Variants in PTCHD4 observed in about 807,000 individuals in gnomAD.
The protein encoded by PTCHD4 is patched domain containing 4, also known as patched domain-containing protein 4.
A neutral mutation model predicts 58.1 loss-of-function variants in PTCHD4; 33 were observed. The ratio of observed to expected loss-of-function variants is 0.57; its 90% CI spans 0.43 to 0.76. PTCHD4 has a LOEUF of 0.76. Ranked by LOEUF, PTCHD4 falls within the 30% of genes least tolerant of loss-of-function variation. PTCHD4 has a pLI of 0.00. For synonymous variants in PTCHD4, 478 were observed against 409.6 expected (o/e 1.17, Z -2.02); for missense variants, 1,058 against 1,027.1 (o/e 1.03, Z -0.41).
chr6:47,863,037 C>T lies in PTCHD4; in HGVS notation c.*15266G>A, dbSNP rs768224931. 1.6e-4 allele frequency among the ~76,000 whole-genome samples: 24 copies of T among 151,836 alleles called. No homozygotes were observed. Among genetic ancestry groups the T allele is most frequent in the Non-Finnish European group, 7.4e-5 (5 of 67,850 alleles). ...GCCATTTTAATTTCAAGTAGCATTT[C>T]GTGATAATATAGGAACAAAAAGATC... On this transcript the variant is annotated 3_prime_UTR_variant, in exon 5 of 5. Coordinates refer to ENST00000339488, the MANE Select transcript of PTCHD4 (RefSeq NM_001384253.1).
At chr6:48,075,136 G>A (rs1378236825) in intron 1 of PTCHD4, among the ~76,000 whole-genome samples, 1 of 152,090 alleles carries the variant, frequency 6.6e-6, no homozygotes, top group African/African-American at 2.4e-5. Flanking sequence ...GATAGAATTT[G>A]CATTAATTGA....
chr6:48,058,213 C>A (rs981415883), intron 3 of PTCHD4, among the ~76,000 whole-genome samples: 1 of 152,222 alleles, frequency 6.6e-6, no homozygotes, highest in Non-Finnish European at 1.5e-5. Flanking sequence ...TAAGTGGAAT[C>A]GGAATCAACT....
intron 4 of PTCHD4, among the ~76,000 whole-genome samples, chr6:47,908,478 T>C (rs2113863082): frequency 6.6e-6 from 1 of 152,286 alleles, no homozygotes; most frequent in South Asian, 2.1e-4. Context: ...CCACATGGCT[T>C]CTGCAATGAA....
Position 48,028,876 on chromosome 6 carries a change from G to C in PTCHD4, c.418-19762C>G, listed in dbSNP as rs898514616. On this transcript the variant is annotated intron_variant, in intron 3 of 4. Coordinates refer to ENST00000339488, the MANE Select transcript of PTCHD4 (RefSeq NM_001384253.1). ...CTCAAACTAACTTTGAGATTTCTCA[G>C]GTGGCCCCCAGAAAATCTCAAAGGA... Among the ~76,000 whole-genome samples, 28 of 151,910 alleles carry C rather than the reference G, an allele frequency of 1.8e-4. 1 individual carries two copies. The highest frequency in any genetic ancestry group is 2.6e-4 in the Admixed American group (4 of 15,230).
chr6:48,098,148 A>C lies in PTCHD4; in HGVS notation c.-970+12901T>G, dbSNP rs145158694. On this transcript the variant is annotated intron_variant, in intron 1 of 4. Coordinates refer to ENST00000339488, the MANE Select transcript of PTCHD4 (RefSeq NM_001384253.1). ...CCAGGAGCAAAAAACCCCTGAAGAT[A>C]CCTTCAAGCATCATTAATGTCATGG... is the stretch of plus-strand genomic sequence containing the variant. Among the ~76,000 whole-genome samples the C allele has an allele frequency of 2.7e-4, 41 of 152,188 alleles. No individual in the cohort carries two copies. The East Asian group carries it at 7.9e-3, about 29-fold the overall frequency.
At chr6:47,976,834 T>C (rs1026731487) in intron 4 of PTCHD4, among the ~76,000 whole-genome samples, 1 of 152,028 alleles carries the variant, frequency 6.6e-6, no homozygotes, top group Admixed American at 6.6e-5. Flanking sequence ...ACAATAAGAA[T>C]ATATAAATTT....
Position 47,867,799 on chromosome 6 carries a change from G to T in PTCHD4, c.*10504C>A, listed in dbSNP as rs1022074842. Among the ~76,000 whole-genome samples, 2 of 151,696 alleles carry T rather than the reference G, an allele frequency of 1.3e-5. No homozygotes were observed. Among genetic ancestry groups the T allele is most frequent in the African/African-American group, 2.4e-5 (1 of 41,378 alleles). On this transcript the variant is annotated 3_prime_UTR_variant, in exon 5 of 5. Coordinates refer to ENST00000339488, the MANE Select transcript of PTCHD4 (RefSeq NM_001384253.1). ...ACTCCAGCTGCAAATTTCCTCAACA[G>T]ATCATGCATACCTCAAAGTCAGGAA... is the stretch of plus-strand genomic sequence containing the variant.
rs11758704 is a variant in PTCHD4, at chr6:47,866,799, T to A, written c.*11504A>T. 6.6e-6 allele frequency among the ~76,000 whole-genome samples: 1 copy of A among 151,636 alleles called. No individual in the cohort carries two copies. Among genetic ancestry groups the A allele is most frequent in the Non-Finnish European group, 1.5e-5 (1 of 67,830 alleles). ...TTTATGCTTAAAAACTAAGTGCATA[T>A]GTACCTTATGTGATCTTCAAAGAAA... On this transcript the variant is annotated 3_prime_UTR_variant, in exon 5 of 5. Coordinates refer to ENST00000339488, the MANE Select transcript of PTCHD4 (RefSeq NM_001384253.1).
At chr6:47,981,049 G>T (rs945691540) in intron 4 of PTCHD4, among the ~76,000 whole-genome samples, 4 of 151,990 alleles carry the variant, frequency 2.6e-5, no homozygotes, top group African/African-American at 4.8e-5. Context: ...CTGTATTCCC[G>T]TAGTAGTTAC....
intron 4 of PTCHD4, among the ~76,000 whole-genome samples, chr6:48,000,459 T>A (rs528678309): frequency 1.1e-4 from 16 of 152,292 alleles, no homozygotes; most frequent in Non-Finnish European, 1.6e-4. Flanking sequence ...TTTCTTTTTT[T>A]AAAAAATTCA....
intron 3 of PTCHD4, among the ~76,000 whole-genome samples, chr6:48,034,828 G>T (rs940022615): frequency 7.9e-5 from 12 of 152,102 alleles, no homozygotes; most frequent in African/African-American, 2.9e-4. Context: ...ATGATTAAGA[G>T]ATAAAATGTC....
At chr6:47,989,845 G>A (rs1768215511) in intron 4 of PTCHD4, among the ~76,000 whole-genome samples, 1 of 152,194 alleles carries the variant, frequency 6.6e-6, no homozygotes, top group Non-Finnish European at 1.5e-5. Context: ...GCACCACCTA[G>A]TGGAGCTGTG....
chr6:47,910,276 G>A (rs1328992), intron 4 of PTCHD4, among the ~76,000 whole-genome samples: 84,315 of 151,940 alleles, frequency 0.55, 25,076 homozygotes, highest in East Asian at 0.78. Flanking sequence ...TAGTCAAGAC[G>A]TCCATTGCCA....
At chr6:47,932,649 C>T (rs1458554979) in intron 4 of PTCHD4, among the ~76,000 whole-genome samples, 1 of 152,124 alleles carries the variant, frequency 6.6e-6, no homozygotes, top group Non-Finnish European at 1.5e-5. Flanking sequence ...TGGCTCAATG[C>T]CAAAGTAAAG....
chr6:48,022,524 T>A (rs1173480301), intron 3 of PTCHD4, among the ~76,000 whole-genome samples: 3 of 152,106 alleles, frequency 2.0e-5, no homozygotes, highest in African/African-American at 7.2e-5. Flanking sequence ...TAATTGAAAG[T>A]CTTTTAATAA....
intron 1 of PTCHD4, among the ~76,000 whole-genome samples, chr6:48,081,076 T>C (rs1054463710): frequency 1.5e-4 from 23 of 152,184 alleles, no homozygotes; most frequent in African/African-American, 5.3e-4. Context: ...ACCACGTTTA[T>C]TCAATGCACT....
intron 3 of PTCHD4, among the ~76,000 whole-genome samples, chr6:48,057,126 G>A (rs1764435749): frequency 6.6e-6 from 1 of 151,956 alleles, no homozygotes; most frequent in Non-Finnish European, 1.5e-5. Flanking sequence ...CATGGGTGCT[G>A]TGTACAGGTG....
In PTCHD4 at chr6:47,938,160, G is replaced by A. The variant is rs1766078168; in HGVS notation, c.899-58224C>T. Among the ~76,000 whole-genome samples, 3 of 152,058 alleles carry A rather than the reference G, an allele frequency of 2.0e-5. No individual in the cohort carries two copies. The South Asian group carries it at 6.2e-4, about 32-fold the overall frequency. ...AGAGAGAGATTCCCTCTTAAAAAAA[G>A]AAAAAGAAATAAAATATTTCAGAGA... On this transcript the variant is annotated intron_variant, in intron 4 of 4. Transcript: ENST00000339488.
chr6:48,014,666 T>A (rs538977095), intron 3 of PTCHD4, among the ~76,000 whole-genome samples: 2 of 152,302 alleles, frequency 1.3e-5, no homozygotes, highest in East Asian at 3.9e-4. Context: ...GCATAAAGTT[T>A]CACTGGAGAT....
Sources: gnomAD v4.1 joint callset for allele counts (sites outside exome capture counted in the v4.1 genomes callset) on GRCh38, gnomAD v4.1.1 for gene constraint, MANE v1.5 for transcripts, NCBI Gene and HGNC (gene_info 2026-07-23, HGNC 2026-07-21) for gene names.